GRIK1: variants seen among roughly 807,000 people sequenced by gnomAD.
GRIK1 encodes the protein glutamate ionotropic receptor kainate type subunit 1, also known as glutamate receptor ionotropic, kainate 1.
In GRIK1, 69 loss-of-function variants were observed where a neutral mutation model predicts 105.7. That is an observed-to-expected ratio of 0.65 (90% CI 0.54 to 0.80). The LOEUF (loss-of-function observed/expected upper bound fraction) is 0.80. GRIK1 is among the 30% of genes least tolerant of loss of function. The probability of loss-of-function intolerance (pLI) is 0.00; values close to 1 mark genes in which losing one functional copy is unlikely to be tolerated. For missense variants in GRIK1, 1,109 were observed against 1,167.3 expected, an observed-to-expected ratio of 0.95 and a Z score of 0.73; for synonymous variants, 438 against 431.3, an observed-to-expected ratio of 1.02 and a Z score of -0.19.
intron 1 of GRIK1, among the ~76,000 whole-genome samples, chr21:29,928,983 T>A (rs189865303): frequency 6.1e-4 from 93 of 152,312 alleles, no homozygotes; most frequent in African/African-American, 2.1e-3. Flanking sequence ...TTAACATTAA[T>A]TACAGGGAAA....
chr21:29,825,777 A>G (rs1774037556), intron 1 of GRIK1, among the ~76,000 whole-genome samples: 1 of 152,090 alleles, frequency 6.6e-6, no homozygotes, highest in Non-Finnish European at 1.5e-5. Context: ...ACTGCCAAAT[A>G]CTATCCTTTA....
intron 1 of GRIK1, among the ~76,000 whole-genome samples, chr21:29,914,984 T>A (rs2070943185): frequency 6.6e-6 from 1 of 152,088 alleles, no homozygotes; most frequent in South Asian, 2.1e-4. Flanking sequence ...TTTTTTATTG[T>A]AAGAGAATCC....
In GRIK1 at chr21:29,791,396, G is replaced by A. The variant is rs540521559; in HGVS notation, c.119-97333C>T. Among the ~76,000 whole-genome samples, 6 of 152,174 alleles carry A rather than the reference G, an allele frequency of 3.9e-5. No individual in the cohort carries two copies. In the South Asian group the frequency reaches 8.3e-4, roughly 21 times the overall value. On this transcript the variant is annotated intron_variant, in intron 1 of 17. Transcript: ENST00000327783. The stretch of plus-strand genomic sequence containing the variant: ...AACAGTGCTTTATAAGAGTGGAGTC[G>A]TTCCTGTGGTTTAGTACTATGATTG...
chr21:29,547,363 A>T (rs1275204675), intron 16 of GRIK1, among the ~76,000 whole-genome samples: 1 of 152,246 alleles, frequency 6.6e-6, no homozygotes, highest in Admixed American at 6.5e-5. Context: ...ACATAACCAT[A>T]TAAAGAAATG....
intron 1 of GRIK1, among the ~76,000 whole-genome samples, chr21:29,867,180 A>G (rs2832458): frequency 0.11 from 16,134 of 152,234 alleles, 1,209 homozygotes; most frequent in African/African-American, 0.22. Context: ...GAAGCATTGA[A>G]GACCACTTAG....
intron 7 of GRIK1, among the ~76,000 whole-genome samples, chr21:29,635,944 A>G (rs940206348): frequency 2.6e-5 from 4 of 152,218 alleles, no homozygotes; most frequent in Admixed American, 6.5e-5. Context: ...TCATAGAGTC[A>G]AAAGGAAATG....
chr21:29,881,904 AT>A (rs1336068184), intron 1 of GRIK1, among the ~76,000 whole-genome samples: 2 of 152,088 alleles, frequency 1.3e-5, no homozygotes, highest in Non-Finnish European at 2.9e-5. Flanking sequence ...ACACATTTCC[AT>A]TTTCTCCCAA....
At chr21:29,868,893 G>A (rs1475591526) in intron 1 of GRIK1, among the ~76,000 whole-genome samples, 1 of 152,110 alleles carries the variant, frequency 6.6e-6, no homozygotes, top group African/African-American at 2.4e-5. Flanking sequence ...TCAAAATGAG[G>A]CCTGAAAAAA....
rs748380852 is a variant in GRIK1 at position 29,537,258 on chromosome 21, C to A, written c.2822G>T (p.Arg941Leu). 17 of 1,609,036 alleles carry A rather than the reference C, an allele frequency of 1.1e-5. No homozygotes were observed. Among genetic ancestry groups the A allele is most frequent in the Non-Finnish European group, 1.4e-5 (17 of 1,177,932 alleles). ...CGCCACAGTCTCTTTTCTCTGAGTT[C>A]GTCTCTGATGACAAGTAAGGATACT... is the stretch of plus-strand genomic sequence containing the variant. ...FTSILTCHQR[R>L]TQRKETVA The change falls in exon 18 of 18, where the codon CGA (arginine) becomes CTA (leucine). Residue 941 changes from arginine to leucine, a missense_variant. Around this residue, in one of 5 missense-constraint regions of GRIK1, gnomAD observed 161 missense variants for 143.4 expected, o/e 1.12. Transcript: ENST00000327783.
intron 3 of GRIK1, among the ~76,000 whole-genome samples, chr21:29,674,220 C>G (rs1011640252): frequency 3.3e-5 from 5 of 151,320 alleles, no homozygotes; most frequent in Non-Finnish European, 7.4e-5. Context: ...CAGCTACTGT[C>G]AAAGTCACAT....
intron 7 of GRIK1, among the ~76,000 whole-genome samples, chr21:29,610,650 T>C (rs564832836): frequency 2.0e-5 from 3 of 152,274 alleles, no homozygotes; most frequent in Non-Finnish European, 4.4e-5. Flanking sequence ...ATCTTGACTT[T>C]AGCCCAATGA....
intron 1 of GRIK1, among the ~76,000 whole-genome samples, chr21:29,779,962 A>G (rs1459350097): frequency 2.0e-5 from 3 of 152,198 alleles, no homozygotes; most frequent in South Asian, 4.1e-4. Flanking sequence ...ACTAAATACT[A>G]TGAAATAATT....
chr21:29,760,500 T>A (rs577668548), intron 1 of GRIK1: 3 of 152,338 alleles, frequency 2.0e-5, no homozygotes, highest in African/African-American at 7.2e-5. Context: ...GAAATTGTTG[T>A]ACTGGAATCT....
intron 16 of GRIK1, among the ~76,000 whole-genome samples, chr21:29,545,310 A>G (rs1183845804): frequency 1.3e-5 from 2 of 152,138 alleles, no homozygotes; most frequent in African/African-American, 2.4e-5. Flanking sequence ...TTGTCCTTCA[A>G]TCCAAACCAC....
chr21:29,728,421 C>A (rs1234141998), intron 1 of GRIK1, among the ~76,000 whole-genome samples: 1 of 152,084 alleles, frequency 6.6e-6, no homozygotes, highest in Non-Finnish European at 1.5e-5. Context: ...GAATAAGGAA[C>A]AAAGTAAGAA....
chr21:29,722,511 G>A (rs111982721), intron 1 of GRIK1, among the ~76,000 whole-genome samples: 5 of 150,582 alleles, frequency 3.3e-5, no homozygotes, highest in Non-Finnish European at 7.4e-5. Flanking sequence ...AGCTGAGATC[G>A]TGCCACTGCA....
chr21:29,814,677 G>A (rs1569123086), intron 1 of GRIK1, among the ~76,000 whole-genome samples: 1 of 152,124 alleles, frequency 6.6e-6, no homozygotes, highest in Non-Finnish European at 1.5e-5. Context: ...TAACTTGGGA[G>A]GCAAAGAGAG....
chr21:29,613,177 T>A (rs146421431), intron 7 of GRIK1, among the ~76,000 whole-genome samples: 1 of 152,222 alleles, frequency 6.6e-6, no homozygotes, highest in Non-Finnish European at 1.5e-5. Flanking sequence ...CCAGTTCCCT[T>A]ATGATCTTGA....
At chr21:29,585,499 C>G (rs186318841) in intron 12 of GRIK1, among the ~76,000 whole-genome samples, 35 of 152,270 alleles carry the variant, frequency 2.3e-4, no homozygotes, top group Non-Finnish European at 4.1e-4. Flanking sequence ...AATGTATTTG[C>G]TCATCAACCT....
Sources: allele counts gnomAD v4.1 joint callset (sites outside exome capture counted in the v4.1 genomes callset), GRCh38; gene constraint gnomAD v4.1.1; regional missense constraint gnomAD v4.1.1; transcripts MANE v1.5; gene names NCBI Gene and HGNC (gene_info 2026-07-23, HGNC 2026-07-21).